The following NRXN1 variants were observed in gnomAD, a reference collection of about 807,000 sequenced individuals.
NRXN1 encodes neurexin-1.
NRXN1 carries 39 observed loss-of-function variants against 150.9 expected under a neutral mutation model. That is an observed-to-expected ratio of 0.26 (90% CI 0.20 to 0.34). NRXN1 has a LOEUF of 0.34. Ranked by LOEUF, NRXN1 falls within the 10% of genes least tolerant of loss-of-function variation. The probability of loss-of-function intolerance (pLI) is 1.00; values close to 1 mark genes in which losing one functional copy is unlikely to be tolerated. For missense variants in NRXN1, 1,815 were observed against 1,949.9 expected (o/e 0.93, Z 1.30); for synonymous variants, 924 against 757.0 (o/e 1.22, Z -3.62).
intron 18 of NRXN1, among the ~76,000 whole-genome samples, chr2:50,207,104 C>T (rs1426269823): frequency 6.6e-6 from 1 of 151,996 alleles, no homozygotes; most frequent in Non-Finnish European, 1.5e-5. Context: ...TAAAATTCAG[C>T]AGGGACTTAC....
chr2:50,224,679 GAGAGAGAGGGAGAA>G (rs2064189300), intron 18 of NRXN1, among the ~76,000 whole-genome samples: 1 of 137,652 alleles, frequency 7.3e-6, no homozygotes, highest in African/African-American at 2.8e-5. Flanking sequence ...ATTAAAGAGA[GAGAGAGAGGGAGAA>G]AGAGAGAGAG....
intron 21 of NRXN1, among the ~76,000 whole-genome samples, chr2:49,991,816 G>A (rs1259913302): frequency 1.3e-5 from 2 of 152,126 alleles, no homozygotes; most frequent in African/African-American, 4.8e-5. Context: ...AAAGTTGAAG[G>A]ACTGACATCA....
At chr2:50,146,391 C>A (rs992239935) in intron 18 of NRXN1, among the ~76,000 whole-genome samples, 1 of 151,668 alleles carries the variant, frequency 6.6e-6, no homozygotes, top group Non-Finnish European at 1.5e-5. Context: ...ATGTTTACTG[C>A]AGCACTATTC....
intron 5 of NRXN1, among the ~76,000 whole-genome samples, chr2:50,727,949 A>C (rs2105176448): frequency 6.6e-6 from 1 of 152,286 alleles, no homozygotes; most frequent in South Asian, 2.1e-4. Context: ...AAATTAGAGA[A>C]AGGTTACACT....
intron 17 of NRXN1, among the ~76,000 whole-genome samples, chr2:50,279,607 A>T (rs2071128229): frequency 6.6e-6 from 1 of 152,218 alleles, no homozygotes; most frequent in Admixed American, 6.5e-5. Context: ...CATATCAAAC[A>T]ACTCTGATGA....
rs538509145 is a variant in NRXN1, at chr2:50,118,487, G to A, written c.3547-26993C>T. Among the ~76,000 whole-genome samples the A allele has an allele frequency of 4.6e-5, 7 of 151,798 alleles. No homozygotes were observed. In the East Asian group the frequency reaches 1.4e-3, roughly 29 times the overall value. On this transcript the variant is annotated intron_variant, in intron 18 of 22. Coordinates refer to ENST00000401669, the MANE Select transcript of NRXN1 (RefSeq NM_001330078.2). ...TTCTTTAGACAAAATTGGAATAGCAGTTTGACTATGACATTCTAATTGGTG... is the reference window on the plus strand; with the variant it reads ...TTCTTTAGACAAAATTGGAATAGCAATTTGACTATGACATTCTAATTGGTG...
intron 21 of NRXN1, among the ~76,000 whole-genome samples, chr2:49,961,505 T>C (rs1048413088): frequency 2.0e-5 from 3 of 152,006 alleles, no homozygotes; most frequent in Non-Finnish European, 4.4e-5. Flanking sequence ...ATGCAAACTG[T>C]CAACTAGATC....
At chr2:50,057,432 C>T (rs1352315357) in intron 19 of NRXN1, among the ~76,000 whole-genome samples, 1 of 152,108 alleles carries the variant, frequency 6.6e-6, no homozygotes, top group African/African-American at 2.4e-5. Flanking sequence ...AGAAGGTATT[C>T]CCTGATGTCA....
At chr2:50,282,078 G>A (rs72874413) in intron 17 of NRXN1, among the ~76,000 whole-genome samples, 27,895 of 152,050 alleles carry the variant, frequency 0.18, 2,745 homozygotes, top group East Asian at 0.36. Context: ...TACAGTTATT[G>A]CTTTTTAGTT....
intron 10 of NRXN1, among the ~76,000 whole-genome samples, chr2:50,536,566 G>A (rs1299154369): frequency 2.0e-5 from 3 of 152,266 alleles, no homozygotes; most frequent in Middle Eastern, 3.4e-3. Context: ...GAAAGCTTCC[G>A]TAATTCATGT....
At chr2:50,384,369 G>T (rs759715452) in intron 17 of NRXN1, among the ~76,000 whole-genome samples, 9 of 151,880 alleles carry the variant, frequency 5.9e-5, no homozygotes, top group Non-Finnish European at 8.8e-5. Context: ...AGCCAAGTGT[G>T]GTTGTATGCG....
intron 19 of NRXN1, among the ~76,000 whole-genome samples, chr2:50,072,619 C>T (rs1410087142): frequency 7.5e-6 from 1 of 133,606 alleles, no homozygotes; most frequent in Non-Finnish European, 1.6e-5. Context: ...AAAAATAAAA[C>T]AGCAACTTTC....
intron 17 of NRXN1, among the ~76,000 whole-genome samples, chr2:50,329,297 G>T (rs569472016): frequency 6.6e-6 from 1 of 152,098 alleles, no homozygotes; most frequent in African/African-American, 2.4e-5. Context: ...AAATCCACAT[G>T]TGAAGATGTT....
chr2:50,567,454 A>G (rs1390025169), intron 8 of NRXN1, among the ~76,000 whole-genome samples: 1 of 152,156 alleles, frequency 6.6e-6, no homozygotes, highest in Admixed American at 6.5e-5. Flanking sequence ...CTCACTTTGG[A>G]ACAAAATATA....
chr2:50,429,727 G>A (rs943662689), intron 17 of NRXN1, among the ~76,000 whole-genome samples: 1 of 151,956 alleles, frequency 6.6e-6, no homozygotes, highest in African/African-American at 2.4e-5. Flanking sequence ...TAATATTTGA[G>A]GCAATTGAGC....
chr2:50,527,502 A>C (rs1422975847), intron 12 of NRXN1, among the ~76,000 whole-genome samples: 1 of 152,190 alleles, frequency 6.6e-6, no homozygotes, highest in Non-Finnish European at 1.5e-5. Context: ...TTAATTTTTA[A>C]TAAGTCATCA....
intron 21 of NRXN1, among the ~76,000 whole-genome samples, chr2:49,950,319 T>C (rs1338419990): frequency 3.9e-5 from 6 of 151,906 alleles, no homozygotes; most frequent in Non-Finnish European, 8.8e-5. Flanking sequence ...TCAATGAAGT[T>C]GCCTCAATTG....
At chr2:50,398,237 G>A (rs1352817606) in intron 17 of NRXN1, among the ~76,000 whole-genome samples, 1 of 151,954 alleles carries the variant, frequency 6.6e-6, no homozygotes, top group Non-Finnish European at 1.5e-5. Flanking sequence ...CTAAGGTCAC[G>A]GTTTTCATAG....
chr2:50,569,350 T>C (rs937669197), intron 8 of NRXN1, among the ~76,000 whole-genome samples: 27 of 152,092 alleles, frequency 1.8e-4, no homozygotes, highest in South Asian at 2.1e-4. Context: ...ATACCCCAGT[T>C]ACCTTCATGT....
Sources: gnomAD v4.1 joint callset for allele counts (sites outside exome capture counted in the v4.1 genomes callset) on GRCh38, gnomAD v4.1.1 for gene constraint, MANE v1.5 for transcripts, NCBI Gene and HGNC (gene_info 2026-07-23, HGNC 2026-07-21) for gene names.